The following MICOS10 variants were observed in gnomAD, a reference collection of about 807,000 sequenced individuals.
The protein encoded by MICOS10 is MICOS complex subunit MIC10.
A neutral mutation model predicts 13.4 loss-of-function variants in MICOS10; 5 were observed. The observed-to-expected ratio is 0.37, with a 90% CI of 0.20 to 0.78. The LOEUF is 0.78. Among genes scored for constraint, MICOS10 ranks in the 30% least tolerant of loss-of-function variants. The probability of loss-of-function intolerance (pLI) is 0.47; values close to 1 mark genes in which losing one functional copy is unlikely to be tolerated. For synonymous variants in MICOS10, 35 were observed against 33.6 expected, an observed-to-expected ratio of 1.04 and a Z score of -0.15; for missense variants, 101 against 94.6, an observed-to-expected ratio of 1.07 and a Z score of -0.28.
At chr1:19,597,232 C>T in intron 1 of MICOS10, 123 bp downstream of exon 1, 1 of 1,104,780 alleles carries the variant, frequency 9.1e-7, no homozygotes, top group East Asian at 3.1e-5. Flanking sequence ...TTTCCGGCCC[C>T]TCCGGCCAGG....
chr1:19,618,379 C>T (rs997855990), intron 1 of MICOS10, among the ~76,000 whole-genome samples: 7 of 151,990 alleles, frequency 4.6e-5, no homozygotes, highest in South Asian at 4.2e-4. Flanking sequence ...TAGGCTCAAG[C>T]GATCCTCCCA....
At chr1:19,600,484 G>C (rs1023633293) in intron 1 of MICOS10, among the ~76,000 whole-genome samples, 4 of 152,188 alleles carry the variant, frequency 2.6e-5, no homozygotes, top group African/African-American at 9.7e-5. Context: ...TTTCAAAATG[G>C]AGATGGAGAC....
intron 1 of MICOS10, among the ~76,000 whole-genome samples, chr1:19,609,382 A>G (rs1448943567): frequency 6.6e-6 from 1 of 152,210 alleles, no homozygotes; most frequent in Non-Finnish European, 1.5e-5. Flanking sequence ...TGGGACTCTT[A>G]TACACCGTTC....
intron 1 of MICOS10, among the ~76,000 whole-genome samples, chr1:19,620,116 A>G (rs970117430): frequency 2.0e-5 from 3 of 152,238 alleles, no homozygotes; most frequent in African/African-American, 7.2e-5. Context: ...TTTCCCTCAA[A>G]AGAGCTTGTC....
chr1:19,618,722 C>T (rs1036872908), intron 1 of MICOS10, among the ~76,000 whole-genome samples: 1 of 152,168 alleles, frequency 6.6e-6, no homozygotes, highest in Non-Finnish European at 1.5e-5. Context: ...AGAGTACATC[C>T]AGCATTTATT....
At chr1:19,623,201 G>A (rs1034121097) in intron 2 of MICOS10, among the ~76,000 whole-genome samples, 1 of 152,152 alleles carries the variant, frequency 6.6e-6, no homozygotes, top group Non-Finnish European at 1.5e-5. Flanking sequence ...GATTACAGTT[G>A]TGAGCCACCG....
At chr1:19,620,986 T>C (rs2094901281) in intron 1 of MICOS10, among the ~76,000 whole-genome samples, 1 of 152,254 alleles carries the variant, frequency 6.6e-6, no homozygotes, top group African/African-American at 2.4e-5. Flanking sequence ...TAAGCCATTA[T>C]GTTTTTACTG....
At chr1:19,606,779 C>T (rs1324657569) in intron 1 of MICOS10, among the ~76,000 whole-genome samples, 1 of 151,812 alleles carries the variant, frequency 6.6e-6, no homozygotes, top group South Asian at 2.1e-4. Context: ...AAAAGTAGGA[C>T]AGTAAAAGAC....
chr1:19,599,300 A>G (rs367891453), intron 1 of MICOS10, among the ~76,000 whole-genome samples: 1 of 151,908 alleles, frequency 6.6e-6, no homozygotes, highest in Admixed American at 6.6e-5. Flanking sequence ...TAAGTGATCC[A>G]TCATCCTCAG....
intron 1 of MICOS10, among the ~76,000 whole-genome samples, chr1:19,619,582 A>G (rs942542360): frequency 6.6e-6 from 1 of 152,192 alleles, no homozygotes. Context: ...TATTTTATGT[A>G]TCTGATCAGT....
At chr1:19,621,795 G>A (rs1439223800) in intron 1 of MICOS10, among the ~76,000 whole-genome samples, 1 of 152,080 alleles carries the variant, frequency 6.6e-6, no homozygotes, top group Non-Finnish European at 1.5e-5. Context: ...GATGCTGGAG[G>A]CTCCTTGCCA....
intron 2 of MICOS10, among the ~76,000 whole-genome samples, chr1:19,622,596 C>A (rs751583120): frequency 6.6e-6 from 1 of 152,172 alleles, no homozygotes; most frequent in Non-Finnish European, 1.5e-5. Flanking sequence ...TCTTTTCATT[C>A]TGTGGAAGAA....
At chr1:19,612,181 T>C (rs2094865564) in intron 1 of MICOS10, among the ~76,000 whole-genome samples, 1 of 150,538 alleles carries the variant, frequency 6.6e-6, no homozygotes, top group Non-Finnish European at 1.5e-5. Flanking sequence ...TAATTGGGAC[T>C]ACAGGCGCCC....
chr1:19,626,294 T>C (rs1489027400), intron 3 of MICOS10, 93 bp from the exon 4 acceptor site: 2 of 1,498,688 alleles, frequency 1.3e-6, no homozygotes, highest in African/African-American at 2.8e-5. Context: ...GGTTTTGGCT[T>C]CTGGCCCTTT....
At position 19,609,330 on chromosome 1, in the gene MICOS10, A is replaced by T. The variant is rs186220708; in HGVS notation, c.64+12221A>T. ...ACCCATTAAAATAGCTAAAATTTTTAAAAACTGCCAATACTAAGTGTTAAT... is the reference window on the plus strand; with the variant it reads ...ACCCATTAAAATAGCTAAAATTTTTTAAAACTGCCAATACTAAGTGTTAAT... On this transcript the variant is annotated intron_variant, in intron 1 of 3. Transcript: ENST00000322753. Among the ~76,000 whole-genome samples the T allele has an allele frequency of 3.4e-3, 518 of 152,276 alleles. 2 individuals are homozygous for T. Among genetic ancestry groups the T allele is most frequent in the African/African-American group, 0.011 (439 of 41,534 alleles).
At chr1:19,597,151 C>T (rs758077451) in intron 1 of MICOS10, 42 bp downstream of exon 1, 2 of 1,575,138 alleles carry the variant, frequency 1.3e-6, no homozygotes, top group Non-Finnish European at 1.7e-6. Flanking sequence ...CGGTGCAGAG[C>T]TGCTGGCTCC....
intron 1 of MICOS10, among the ~76,000 whole-genome samples, chr1:19,612,428 TA>T (rs1311076715): frequency 1.3e-5 from 2 of 151,546 alleles, no homozygotes; most frequent in Non-Finnish European, 2.9e-5. Flanking sequence ...GTGCAGCCTT[TA>T]AGAAAGACTC....
At chr1:19,624,870 G>A (rs2094916765) in intron 3 of MICOS10, among the ~76,000 whole-genome samples, 1 of 152,166 alleles carries the variant, frequency 6.6e-6, no homozygotes, top group African/African-American at 2.4e-5. Flanking sequence ...AAGTGCCGAT[G>A]GCCTCAGGCT....
At chr1:19,625,503 C>A in intron 3 of MICOS10, 1 of 1,289,436 alleles carries the variant, frequency 7.8e-7, no homozygotes, top group Non-Finnish European at 1.0e-6. Context: ...AGGGACCATG[C>A]AAGAAGAGGC....
Sources: gnomAD v4.1 joint callset for allele counts (sites outside exome capture counted in the v4.1 genomes callset) on GRCh38, gnomAD v4.1.1 for gene constraint, MANE v1.5 for transcripts, NCBI Gene and HGNC (gene_info 2026-07-23, HGNC 2026-07-21) for gene names.